MFHAS1: variants seen among roughly 807,000 people sequenced by gnomAD.
MFHAS1 encodes multifunctional ROCO family signaling regulator 1.
In MFHAS1, 50 loss-of-function variants were observed where a neutral mutation model predicts 70.4. The observed-to-expected ratio is 0.71, with a 90% CI of 0.57 to 0.90. The LOEUF (loss-of-function observed/expected upper bound fraction) is 0.90. Ranked by LOEUF, MFHAS1 falls within the 40% of genes least tolerant of loss-of-function variation. The probability of loss-of-function intolerance (pLI) is 0.00; values close to 1 mark genes in which losing one functional copy is unlikely to be tolerated. For missense variants in MFHAS1, 1,795 were observed against 1,347.6 expected (o/e 1.33, Z -5.20); for synonymous variants, 952 against 620.0 (o/e 1.54, Z -7.96).
intron 1 of MFHAS1, among the ~76,000 whole-genome samples, chr8:8,840,194 C>T (rs1235256657): frequency 1.3e-5 from 2 of 152,194 alleles, no homozygotes; most frequent in East Asian, 1.9e-4. Context: ...CAGTGACTCA[C>T]GCCTGTAATC....
chr8:8,799,170 G>A (rs189345861), intron 1 of MFHAS1, among the ~76,000 whole-genome samples: 164 of 152,174 alleles, frequency 1.1e-3, no homozygotes, highest in Non-Finnish European at 1.7e-3. Flanking sequence ...GGACAGTACC[G>A]AAGACTATAC....
At chr8:8,836,801 G>A (rs1807613091) in intron 1 of MFHAS1, among the ~76,000 whole-genome samples, 1 of 152,094 alleles carries the variant, frequency 6.6e-6, no homozygotes, top group Non-Finnish European at 1.5e-5. Context: ...CTGCACACAG[G>A]GGTCTAAAAA....
intron 1 of MFHAS1, among the ~76,000 whole-genome samples, chr8:8,848,149 T>G (rs1808102300): frequency 6.6e-6 from 1 of 152,210 alleles, no homozygotes; most frequent in Non-Finnish European, 1.5e-5. Context: ...GTCCCTTTGC[T>G]TCTCTGTCCC....
chr8:8,877,276 T>C (rs1809332420), intron 1 of MFHAS1, among the ~76,000 whole-genome samples: 1 of 112,602 alleles, frequency 8.9e-6, no homozygotes, highest in South Asian at 3.2e-4. Flanking sequence ...CACTCCAGCC[T>C]GGGTGACAGA....
At chr8:8,876,553 G>T (rs753853876) in intron 1 of MFHAS1, among the ~76,000 whole-genome samples, 1 of 151,958 alleles carries the variant, frequency 6.6e-6, no homozygotes, top group Non-Finnish European at 1.5e-5. Context: ...TGGCTAACGT[G>T]GTGAAACCCC....
At chr8:8,862,618 A>C (rs1206777396) in intron 1 of MFHAS1, among the ~76,000 whole-genome samples, 2 of 152,204 alleles carry the variant, frequency 1.3e-5, no homozygotes, top group Non-Finnish European at 2.9e-5. Flanking sequence ...TTAGGGCAGT[A>C]AAACTCTTCC....
Position 8,786,062 on chromosome 8 carries a change from G to A in MFHAS1, c.3126-7C>T. The A allele has an allele frequency of 1.9e-6, 3 of 1,613,768 alleles. No homozygotes were observed. Among genetic ancestry groups the A allele is most frequent in the Non-Finnish European group, 2.5e-6 (3 of 1,179,704 alleles). On this transcript the variant is annotated splice_polypyrimidine_tract_variant and splice_region_variant and intron_variant, in intron 2 of 2. Coordinates refer to ENST00000276282, the MANE Select transcript of MFHAS1 (RefSeq NM_004225.3). Reference sequence around the variant, plus strand: ...CTTTTCACCAACATTCTTCCTGTATGGGTGGACAACAAGAAAGCACAGAGA... The same window carrying A: ...CTTTTCACCAACATTCTTCCTGTATAGGTGGACAACAAGAAAGCACAGAGA...
chr8:8,879,306 G>C (rs1040313019), intron 1 of MFHAS1, among the ~76,000 whole-genome samples: 1 of 151,880 alleles, frequency 6.6e-6, no homozygotes, highest in Non-Finnish European at 1.5e-5. Context: ...AGCCAAGATC[G>C]CATCACTGCA....
rs1807571560 is a variant in MFHAS1 at position 8,835,716 on chromosome 8, T to G, written c.2999-38225A>C. 2.0e-5 allele frequency among the ~76,000 whole-genome samples: 3 copies of G among 152,342 alleles called. No homozygotes were observed. In the South Asian group the frequency reaches 6.2e-4, roughly 32 times the overall value. The stretch of plus-strand genomic sequence containing the variant: ...AAATTTTAAAAGATCCTTTACTGGG[T>G]AAGAGTATTTGGGACACCCATTATA... On this transcript the variant is annotated intron_variant, in intron 1 of 2. Transcript: ENST00000276282.
At chr8:8,850,561 G>A (rs1446030890) in intron 1 of MFHAS1, among the ~76,000 whole-genome samples, 2 of 152,072 alleles carry the variant, frequency 1.3e-5, no homozygotes, top group African/African-American at 2.4e-5. Flanking sequence ...AACACCCAGG[G>A]TCGGGTGCGG....
intron 1 of MFHAS1, among the ~76,000 whole-genome samples, chr8:8,876,453 G>A (rs961993760): frequency 3.7e-4 from 56 of 152,208 alleles, no homozygotes; most frequent in African/African-American, 1.1e-3. Flanking sequence ...CACTGTTGTC[G>A]GCCGGGCGTG....
chr8:8,880,940 T>C (rs905522443), intron 1 of MFHAS1, among the ~76,000 whole-genome samples: 3 of 152,032 alleles, frequency 2.0e-5, no homozygotes, highest in Non-Finnish European at 4.4e-5. Flanking sequence ...CTCCTCAGCC[T>C]CCCAAAGTGA....
chr8:8,812,936 G>T (rs990996330), intron 1 of MFHAS1, among the ~76,000 whole-genome samples: 4 of 152,088 alleles, frequency 2.6e-5, no homozygotes, highest in Non-Finnish European at 5.9e-5. Flanking sequence ...CCAACTAAAG[G>T]TTGTATTTTT....
Position 8,800,578 on chromosome 8 carries a change from C to T in MFHAS1, c.2999-3087G>A, listed in dbSNP as rs376617917. ...TGCACCACAGGGGCCAGGACTCCAA[C>T]GAGAAGTTGCTGTGGGCACCCCAGT... On this transcript the variant is annotated intron_variant, in intron 1 of 2. Transcript: ENST00000276282. 9.6e-4 allele frequency among the ~76,000 whole-genome samples: 146 copies of T among 152,256 alleles called. 1 individual carries two copies. Among genetic ancestry groups the T allele is most frequent in the African/African-American group, 3.3e-3 (139 of 41,536 alleles).
rs144688958 is a variant in MFHAS1 at position 8,857,226 on chromosome 8, G to A, written c.2998+32835C>T. ...AGTTCATGAGACATCAATAAATTCC[G>A]CGTGTGGCCCTATTGTTTAGTTACT... On this transcript the variant is annotated intron_variant, in intron 1 of 2. Coordinates refer to ENST00000276282, the MANE Select transcript of MFHAS1 (RefSeq NM_004225.3). Among the ~76,000 whole-genome samples the A allele has an allele frequency of 6.4e-3, 977 of 152,216 alleles. 9 individuals are homozygous for A. Among genetic ancestry groups the A allele is most frequent in the African/African-American group, 0.022 (923 of 41,550 alleles).
At chr8:8,876,456 C>T (rs902858721) in intron 1 of MFHAS1, among the ~76,000 whole-genome samples, 4 of 152,046 alleles carry the variant, frequency 2.6e-5, no homozygotes, top group South Asian at 2.1e-4. Flanking sequence ...TGTTGTCGGC[C>T]GGGCGTGGTG....
At chr8:8,868,310 C>G (rs544671679) in intron 1 of MFHAS1, among the ~76,000 whole-genome samples, 2 of 151,222 alleles carry the variant, frequency 1.3e-5, no homozygotes, top group Admixed American at 1.3e-4. Context: ...TTGTATCTTT[C>G]GGCTAATAAT....
At chr8:8,802,799 G>C (rs971413585) in intron 1 of MFHAS1, among the ~76,000 whole-genome samples, 1 of 152,196 alleles carries the variant, frequency 6.6e-6, no homozygotes, top group African/African-American at 2.4e-5. Flanking sequence ...CGGAAAGCAG[G>C]CTACAGAACT....
At chr8:8,840,765 G>T (rs182164955) in intron 1 of MFHAS1, among the ~76,000 whole-genome samples, 1 of 152,116 alleles carries the variant, frequency 6.6e-6, no homozygotes, top group Non-Finnish European at 1.5e-5. Context: ...ACTTCTAGTC[G>T]AATTCTATGT....
Sources: gnomAD v4.1 joint callset for allele counts (sites outside exome capture counted in the v4.1 genomes callset) on GRCh38, gnomAD v4.1.1 for gene constraint, MANE v1.5 for transcripts, NCBI Gene and HGNC (gene_info 2026-07-23, HGNC 2026-07-21) for gene names.